The following CCSER1 variants were observed in gnomAD, a reference collection of about 807,000 sequenced individuals.
CCSER1 encodes the protein coiled-coil serine rich protein 1.
CCSER1 carries 41 observed loss-of-function variants against 82.0 expected under a neutral mutation model. The observed-to-expected ratio is 0.50, with a 90% confidence interval of 0.39 to 0.65. CCSER1 has a LOEUF of 0.65. Ranked by LOEUF, CCSER1 falls within the 30% of genes least tolerant of loss-of-function variation. CCSER1 has a pLI of 0.00. For synonymous variants in CCSER1, 414 were observed against 383.9 expected (o/e 1.08, Z -0.92); for missense variants, 1,119 against 1,064.2 (o/e 1.05, Z -0.72).
intron 10 of CCSER1, among the ~76,000 whole-genome samples, chr4:91,227,409 G>A (rs1193310064): frequency 6.6e-6 from 1 of 151,706 alleles, no homozygotes; most frequent in Non-Finnish European, 1.5e-5. Context: ...ACCGTCAAGA[G>A]CATTCTAATT....
chr4:90,623,256 G>A (rs568077591), intron 5 of CCSER1, among the ~76,000 whole-genome samples: 45 of 151,806 alleles, frequency 3.0e-4, no homozygotes, highest in Non-Finnish European at 5.6e-4. Context: ...GGATGGTCTC[G>A]ATCTCCTGAC....
chr4:90,940,140 C>A (rs1731418275), intron 9 of CCSER1, among the ~76,000 whole-genome samples: 1 of 152,014 alleles, frequency 6.6e-6, no homozygotes, highest in African/African-American at 2.4e-5. Flanking sequence ...TGAAGTAAGT[C>A]AATAAAGAAA....
At chr4:90,207,811 C>G (rs553188633) in intron 1 of CCSER1, among the ~76,000 whole-genome samples, 5 of 152,162 alleles carry the variant, frequency 3.3e-5, no homozygotes, top group African/African-American at 7.2e-5. Flanking sequence ...TGTTTGCCTG[C>G]GTATCAACAG....
intron 10 of CCSER1, among the ~76,000 whole-genome samples, chr4:91,110,826 A>G (rs1183784462): frequency 2.0e-5 from 3 of 152,074 alleles, no homozygotes; most frequent in South Asian, 2.1e-4. Context: ...CTTTCTGCAT[A>G]CATAGATCAT....
intron 5 of CCSER1, among the ~76,000 whole-genome samples, chr4:90,568,393 C>A (rs1321529423): frequency 6.6e-6 from 1 of 152,100 alleles, no homozygotes; most frequent in Non-Finnish European, 1.5e-5. Flanking sequence ...GCTGAATTGA[C>A]CCCTTTATCA....
chr4:90,438,774 T>TTCTATCTATCTATCTA (rs10617236), intron 4 of CCSER1, among the ~76,000 whole-genome samples: 298 of 150,344 alleles, frequency 2.0e-3, no homozygotes, highest in East Asian at 6.7e-3. Context: ...TTTTGATATC[T>TTCTATCTATCTATCTA]TCTATCTATC....
intron 5 of CCSER1, among the ~76,000 whole-genome samples, chr4:90,606,745 GATA>G (rs771292887): frequency 2.0e-5 from 3 of 152,120 alleles, no homozygotes; most frequent in Non-Finnish European, 2.9e-5. Flanking sequence ...GTCTCTCAGA[GATA>G]ATAATGATCA....
intron 10 of CCSER1, among the ~76,000 whole-genome samples, chr4:91,259,687 C>G (rs1173220854): frequency 6.6e-6 from 1 of 151,378 alleles, no homozygotes; most frequent in Non-Finnish European, 1.5e-5. Flanking sequence ...TGAGAACATG[C>G]AGTGTTTGAT....
chr4:91,325,593 T>C (rs1746502333), intron 10 of CCSER1, among the ~76,000 whole-genome samples: 1 of 152,132 alleles, frequency 6.6e-6, no homozygotes, highest in South Asian at 2.1e-4. Context: ...AGCACAAAGA[T>C]CAAATCTCAG....
intron 10 of CCSER1, chr4:91,112,515 GT>G (rs1726180178): frequency 1.3e-5 from 2 of 152,068 alleles, no homozygotes; most frequent in Admixed American, 1.3e-4. Context: ...TCATACACAA[GT>G]TCTTTCTGCT....
rs546040535 is a variant in CCSER1 at position 91,512,213 on chromosome 4, G to T, written c.2218-86359G>T. Among the ~76,000 whole-genome samples the T allele has an allele frequency of 9.9e-5, 15 of 152,254 alleles. No individual in the cohort carries two copies. In the South Asian group the frequency reaches 1.7e-3, roughly 17 times the overall value. ...CCAAAGAAGATTAACATTTGAATCAGCGCACTGGGAGACACAGACCCACCC... is the reference window on the plus strand; with the variant it reads ...CCAAAGAAGATTAACATTTGAATCATCGCACTGGGAGACACAGACCCACCC... On this transcript the variant is annotated intron_variant, in intron 10 of 10. Coordinates refer to ENST00000509176, the MANE Select transcript of CCSER1 (RefSeq NM_001145065.2).
chr4:90,829,160 G>A lies in CCSER1; in HGVS notation c.2094+13315G>A, dbSNP rs117982038. Among the ~76,000 whole-genome samples the A allele has an allele frequency of 1.4e-3, 207 of 152,110 alleles. 3 individuals are homozygous for A. The East Asian group carries it at 0.039, about 29-fold the overall frequency. Reference sequence around the variant, plus strand: ...AAAATTGATTCTAATCTAAAATATTGTAGAAAACAAAGAAAAACTAAGGAA... The same window carrying A: ...AAAATTGATTCTAATCTAAAATATTATAGAAAACAAAGAAAAACTAAGGAA... On this transcript the variant is annotated intron_variant, in intron 8 of 10. Coordinates refer to ENST00000509176, the MANE Select transcript of CCSER1 (RefSeq NM_001145065.2).
chr4:90,975,745 T>TCAC (rs1735555527), intron 9 of CCSER1, among the ~76,000 whole-genome samples: 1 of 151,358 alleles, frequency 6.6e-6, no homozygotes, highest in African/African-American at 2.4e-5. Flanking sequence ...ATTACCAATG[T>TCAC]GTTTTTACCT....
intron 1 of CCSER1, among the ~76,000 whole-genome samples, chr4:90,145,904 T>A (rs896147960): frequency 2.6e-5 from 4 of 152,026 alleles, no homozygotes; most frequent in African/African-American, 9.7e-5. Context: ...TGTCTTAGGG[T>A]ACCTTTTTTT....
chr4:90,212,344 A>G (rs562046359), intron 1 of CCSER1, among the ~76,000 whole-genome samples: 2 of 152,326 alleles, frequency 1.3e-5, no homozygotes, highest in South Asian at 4.1e-4. Flanking sequence ...TCTAATAATC[A>G]CAATATTTTC....
At chr4:90,223,802 T>C (rs993427365) in intron 1 of CCSER1, among the ~76,000 whole-genome samples, 3 of 152,234 alleles carry the variant, frequency 2.0e-5, no homozygotes, top group Non-Finnish European at 4.4e-5. Flanking sequence ...AACTTGCTCA[T>C]TGTAGGCCCA....
chr4:90,980,187 C>G (rs1735983267), intron 9 of CCSER1, among the ~76,000 whole-genome samples: 1 of 151,814 alleles, frequency 6.6e-6, no homozygotes, highest in South Asian at 2.1e-4. Flanking sequence ...AACAGTGTTG[C>G]AAAAGGCCTG....
chr4:91,476,292 C>T (rs935655225), intron 10 of CCSER1, among the ~76,000 whole-genome samples: 2 of 151,818 alleles, frequency 1.3e-5, no homozygotes. Flanking sequence ...CACATCCTTG[C>T]AAGCATTATT....
chr4:91,462,585 G>A (rs1467999034), intron 10 of CCSER1, among the ~76,000 whole-genome samples: 3 of 152,074 alleles, frequency 2.0e-5, no homozygotes, highest in Non-Finnish European at 4.4e-5. Flanking sequence ...GAAGTGCAAG[G>A]GGTCAAGGAA....
Sources: gnomAD v4.1 joint callset for allele counts (sites outside exome capture counted in the v4.1 genomes callset) on GRCh38, gnomAD v4.1.1 for gene constraint, MANE v1.5 for transcripts, NCBI Gene and HGNC (gene_info 2026-07-23, HGNC 2026-07-21) for gene names.